Variants in SLIT2 observed in about 807,000 individuals in gnomAD.
SLIT2 encodes slit homolog 2 protein.
Under a neutral mutation model 185.7 loss-of-function variants are expected in SLIT2, and 41 were observed. The ratio of observed to expected loss-of-function variants is 0.22; its 90% CI spans 0.17 to 0.29. The LOEUF (loss-of-function observed/expected upper bound fraction) is 0.29. Ranked by LOEUF, SLIT2 falls within the 10% of genes least tolerant of loss-of-function variation. SLIT2 has a pLI of 1.00. For synonymous variants in SLIT2, 693 were observed against 680.2 expected, an observed-to-expected ratio of 1.02 and a Z score of -0.29; for missense variants, 1,571 against 1,909.0, an observed-to-expected ratio of 0.82 and a Z score of 3.30.
chr4:20,268,865 G>A lies in SLIT2; in HGVS notation c.379G>A (p.Ala127Thr). 1.2e-6 allele frequency: 2 copies of A among 1,605,800 alleles called. No individual in the cohort carries two copies. The highest frequency in any genetic ancestry group is 1.1e-5 in the South Asian group (1 of 90,892). The change falls in exon 4 of 37, where the codon GCG becomes ACG. Residue 127 changes from alanine (A) to threonine (T), a missense_variant. Ala to Thr is a moderately conservative substitution (Grantham distance 58, BLOSUM62 0). Coordinates refer to ENST00000504154, the MANE Select transcript of SLIT2 (RefSeq NM_004787.4). ...TCCTGAGTTGCTGTTTCTTGGGACT[G>A]CGAAGCTATACAGGCTGTAAGTAGA... ...LFPELLFLGTAKLYRLDLSEN... is the reference protein window; with the variant it reads ...LFPELLFLGTTKLYRLDLSEN...
At chr4:20,339,960 A>T (rs565423479) in intron 4 of SLIT2, among the ~76,000 whole-genome samples, 1 of 152,222 alleles carries the variant, frequency 6.6e-6, no homozygotes, top group Non-Finnish European at 1.5e-5. Context: ...GCCTTTAAGT[A>T]TAGTAATTTG....
chr4:20,281,837 A>G (rs558173691), intron 4 of SLIT2, among the ~76,000 whole-genome samples: 4 of 152,336 alleles, frequency 2.6e-5, no homozygotes, highest in African/African-American at 9.6e-5. Flanking sequence ...TGTATGAATG[A>G]GAATAACGCT....
At chr4:20,423,453 G>C (rs947497962) in intron 4 of SLIT2, among the ~76,000 whole-genome samples, 7 of 151,606 alleles carry the variant, frequency 4.6e-5, no homozygotes, top group Non-Finnish European at 1.0e-4. Context: ...TATAATTTTA[G>C]TGTGACTAAA....
chr4:20,615,428 C>G (rs1007721722), intron 34 of SLIT2: 1 of 152,188 alleles, frequency 6.6e-6, no homozygotes, highest in African/African-American at 2.4e-5. Context: ...CTCTCCTGTT[C>G]CTACAGGATC....
chr4:20,604,563 G>A (rs1002939289), intron 33 of SLIT2, among the ~76,000 whole-genome samples: 1 of 152,090 alleles, frequency 6.6e-6, no homozygotes, highest in East Asian at 2.0e-4. Context: ...TAGCCAGGAT[G>A]GTCTCCATTT....
intron 17 of SLIT2, among the ~76,000 whole-genome samples, chr4:20,532,400 T>G (rs568871716): frequency 2.6e-5 from 4 of 152,364 alleles, no homozygotes; most frequent in Non-Finnish European, 5.9e-5. Context: ...CTGTTATTTT[T>G]TTTTTCATGT....
rs1240581807 is a variant in SLIT2, at chr4:20,524,103, C to T, written c.1364C>T (p.Ala455Val). Reference protein sequence around the residue: ...LHTNPIETSGARCTSPRRLAN... With the variant: ...LHTNPIETSGVRCTSPRRLAN... ...ACCAACCCGATTGAGACCAGTGGTG[C>T]CCGTTGCACCAGCCCCCGCCGCCTG... Residue 455 changes from alanine to valine, a missense_variant, in exon 14 of 37, where the codon GCC becomes GTC. Around this residue, in one of 3 missense-constraint regions of SLIT2, gnomAD observed 1,202 missense variants for 1,416.4 expected, o/e 0.85. Coordinates refer to ENST00000504154, the MANE Select transcript of SLIT2 (RefSeq NM_004787.4). The T allele has an allele frequency of 6.2e-7, 1 of 1,614,098 alleles. No homozygotes were observed. The highest frequency in any genetic ancestry group is 2.2e-5 in the East Asian group (1 of 44,882).
chr4:20,400,189 C>T (rs1330983009), intron 4 of SLIT2, among the ~76,000 whole-genome samples: 1 of 151,686 alleles, frequency 6.6e-6, no homozygotes, highest in Non-Finnish European at 1.5e-5. Context: ...TGTATAAATC[C>T]TATAAGTCTT....
At chr4:20,590,362 A>G (rs1465357585) in intron 30 of SLIT2, among the ~76,000 whole-genome samples, 2 of 152,176 alleles carry the variant, frequency 1.3e-5, no homozygotes, top group East Asian at 1.9e-4. Context: ...AATGTCTTCT[A>G]TGTGCTTCAT....
chr4:20,285,277 A>T (rs146969655), intron 4 of SLIT2, among the ~76,000 whole-genome samples: 1 of 152,198 alleles, frequency 6.6e-6, no homozygotes, highest in Non-Finnish European at 1.5e-5. Flanking sequence ...CATCATCTGC[A>T]ACAAAGATTA....
chr4:20,269,365 C>T (rs1713366430), intron 4 of SLIT2, among the ~76,000 whole-genome samples: 1 of 151,694 alleles, frequency 6.6e-6, no homozygotes, highest in African/African-American at 2.4e-5. Flanking sequence ...TAAATGTTTC[C>T]TTTAAAGCCA....
chr4:20,426,415 G>T (rs1311540215), intron 4 of SLIT2, among the ~76,000 whole-genome samples: 1 of 152,112 alleles, frequency 6.6e-6, no homozygotes. Flanking sequence ...TATAAGAAAA[G>T]GTGGTAGGGG....
chr4:20,377,559 G>A (rs80333686), intron 4 of SLIT2, among the ~76,000 whole-genome samples: 2,691 of 152,238 alleles, frequency 0.018, 39 homozygotes, highest in Non-Finnish European at 0.026. Context: ...CTGGATTCTG[G>A]TGTTGATTGC....
At chr4:20,291,924 GTGTGTGTGTGTGTGTGCA>G (rs1209174676) in intron 4 of SLIT2, among the ~76,000 whole-genome samples, 33 of 151,642 alleles carry the variant, frequency 2.2e-4, no homozygotes, top group Non-Finnish European at 5.9e-5. Flanking sequence ...GTGTGTGTGT[GTGTGTGTGTGTGTGTGCA>G]TGTGTGTGCA....
intron 33 of SLIT2, among the ~76,000 whole-genome samples, chr4:20,605,477 C>T (rs1728722137): frequency 6.6e-6 from 1 of 152,054 alleles, no homozygotes; most frequent in South Asian, 2.1e-4. Flanking sequence ...AGTGGAAAGG[C>T]CCAAAGTTAA....
rs149789384 is a variant in SLIT2, at chr4:20,360,839, G to T, written c.395+91958G>T. Among the ~76,000 whole-genome samples the T allele has an allele frequency of 3.8e-3, 577 of 152,216 alleles. 1 individual carries two copies. Among genetic ancestry groups the T allele is most frequent in the African/African-American group, 0.012 (490 of 41,546 alleles). On this transcript the variant is annotated intron_variant, in intron 4 of 36. Coordinates refer to ENST00000504154, the MANE Select transcript of SLIT2 (RefSeq NM_004787.4). ...TTGAGAGCTTACTAGGTGTCAGCCA[G>T]TGCTGTATCCACATTACATGTATGA... is the stretch of plus-strand genomic sequence containing the variant.
At chr4:20,408,598 T>G (rs904381563) in intron 4 of SLIT2, among the ~76,000 whole-genome samples, 2 of 152,166 alleles carry the variant, frequency 1.3e-5, no homozygotes, top group African/African-American at 2.4e-5. Flanking sequence ...TTTAGTTTAT[T>G]TTTTTACCTC....
intron 26 of SLIT2, chr4:20,554,421 G>A (rs1724057925): frequency 2.3e-6 from 1 of 434,282 alleles, no homozygotes; most frequent in Admixed American, 2.5e-5. Flanking sequence ...CTGTGTTGAT[G>A]TTCTTGTTTC....
intron 4 of SLIT2, among the ~76,000 whole-genome samples, chr4:20,442,113 G>C (rs921732762): frequency 3.3e-5 from 5 of 152,084 alleles, no homozygotes. Flanking sequence ...ATGAGATCTT[G>C]GTGAGTTTCT....
Sources: allele counts gnomAD v4.1 joint callset (sites outside exome capture counted in the v4.1 genomes callset), GRCh38; gene constraint gnomAD v4.1.1; regional missense constraint gnomAD v4.1.1; transcripts MANE v1.5; gene names NCBI Gene and HGNC (gene_info 2026-07-23, HGNC 2026-07-21).